Variants in PIK3C2A observed in about 807,000 individuals in gnomAD.
PIK3C2A encodes phosphatidylinositol-4-phosphate 3-kinase catalytic subunit type 2 alpha, also known as phosphatidylinositol 4-phosphate 3-kinase C2 domain-containing subunit alpha.
Under a neutral mutation model 204.5 loss-of-function variants are expected in PIK3C2A, and 97 were observed. That is an observed-to-expected ratio of 0.47 (90% confidence interval 0.40 to 0.56). The LOEUF (loss-of-function observed/expected upper bound fraction) is 0.56. Ranked by LOEUF, PIK3C2A falls within the 20% of genes least tolerant of loss-of-function variation. The pLI is 0.00. For synonymous variants in PIK3C2A, 653 were observed against 664.4 expected (o/e 0.98, Z 0.26); for missense variants, 1,735 against 1,969.2 (o/e 0.88, Z 2.25).
chr11:17,117,149 G>C (rs966852986), intron 19 of PIK3C2A, among the ~76,000 whole-genome samples: 2 of 152,188 alleles, frequency 1.3e-5, no homozygotes, highest in Admixed American at 6.5e-5. Flanking sequence ...CAGTTTAGTG[G>C]CTGGGAGGGG....
At chr11:17,150,081 C>T (rs1311830561) in intron 4 of PIK3C2A, among the ~76,000 whole-genome samples, 1 of 152,036 alleles carries the variant, frequency 6.6e-6, no homozygotes, top group African/African-American at 2.4e-5. Flanking sequence ...AGAGAGGACA[C>T]CCATACCAAG....
chr11:17,137,900 C>T, intron 8 of PIK3C2A: 1 of 387,620 alleles, frequency 2.6e-6, no homozygotes, highest in Non-Finnish European at 4.8e-6. Context: ...TAGGAAGACA[C>T]TTCCCATCTG....
chr11:17,119,984 T>C lies in PIK3C2A; in HGVS notation c.2658-10A>G, dbSNP rs904209736. 8.6e-6 allele frequency: 11 copies of C among 1,273,188 alleles called. No homozygotes were observed. The highest frequency in any genetic ancestry group is 6.0e-5 in the African/African-American group (4 of 66,180). The allele number at this position is 1,273,188 out of a possible 1,614,324, so 78.9% of individuals were successfully genotyped here. On this transcript the variant is annotated splice_polypyrimidine_tract_variant and intron_variant, in intron 15 of 32. Transcript: ENST00000691414. ...ATCTTCTTTAGAAAGTCTGCATATA[T>C]AATAGAATTAAATTACTTCTCAGTG... is the stretch of plus-strand genomic sequence containing the variant.
chr11:17,147,509 A>C lies in PIK3C2A; in HGVS notation c.1560+8T>G. Reference sequence around the variant, plus strand: ...CAAATGGAATTCAGTTATGAGGTACACACTTACTGTTCGGGCCAGATTTTG... The same window carrying C: ...CAAATGGAATTCAGTTATGAGGTACCCACTTACTGTTCGGGCCAGATTTTG... On this transcript the variant is annotated splice_region_variant and intron_variant, in intron 6 of 32. Transcript: ENST00000691414. 7.0e-7 allele frequency: 1 copy of C among 1,430,718 alleles called. No homozygotes were observed. The highest frequency in any genetic ancestry group is 1.4e-5 in the African/African-American group (1 of 71,426). The allele number at this position is 1,430,718 out of a possible 1,614,324, so 88.6% of individuals were successfully genotyped here. A position where few individuals can be genotyped will look rare whatever the true frequency, so the allele number is the denominator to read the frequency against.
intron 2 of PIK3C2A, among the ~76,000 whole-genome samples, chr11:17,156,901 A>G (rs1299834218): frequency 1.3e-5 from 2 of 152,170 alleles, no homozygotes; most frequent in Non-Finnish European, 2.9e-5. Context: ...GGTACCCAGG[A>G]GGCTAAATTA....
At chr11:17,114,795 A>G (rs572690191) in intron 19 of PIK3C2A, among the ~76,000 whole-genome samples, 1 of 152,362 alleles carries the variant, frequency 6.6e-6, no homozygotes, top group South Asian at 2.1e-4. Flanking sequence ...AAACGATTTC[A>G]TAACTTATTG....
intron 22 of PIK3C2A, among the ~76,000 whole-genome samples, chr11:17,109,050 G>A (rs756357209): frequency 6.6e-6 from 1 of 152,202 alleles, no homozygotes; most frequent in Non-Finnish European, 1.5e-5. Flanking sequence ...AGCTACACAG[G>A]ATAGAATGAA....
chr11:17,170,933 C>T (rs535678047), intron 1 of PIK3C2A, among the ~76,000 whole-genome samples: 22 of 152,138 alleles, frequency 1.4e-4, no homozygotes, highest in African/African-American at 5.1e-4. Context: ...GAAACCCCGT[C>T]TCTACTAAAT....
chr11:17,129,436 G>A lies in PIK3C2A; in HGVS notation c.2263C>T (p.Pro755Ser). Reference sequence around the variant, plus strand: ...GTAAGGTGAAGAACTGATTCTAATGGCAATTGTGATATCTGGATAGGAAAA... The same window carrying A: ...GTAAGGTGAAGAACTGATTCTAATGACAATTGTGATATCTGGATAGGAAAA... ...IIFPIQISQLPLESVLHLTLF... is the reference protein window; with the variant it reads ...IIFPIQISQLSLESVLHLTLF... Residue 755 changes from proline to serine, a missense_variant, in exon 13 of 33, where the codon CCA becomes TCA. Transcript: ENST00000691414. The A allele has an allele frequency of 6.2e-7, 1 of 1,608,248 alleles. No individual in the cohort carries two copies. Among genetic ancestry groups the A allele is most frequent in the Non-Finnish European group, 8.5e-7 (1 of 1,174,926 alleles).
intron 2 of PIK3C2A, among the ~76,000 whole-genome samples, chr11:17,158,874 T>A (rs1590975140): frequency 6.6e-6 from 1 of 152,156 alleles, no homozygotes; most frequent in South Asian, 2.1e-4. Flanking sequence ...CGAGTTTGAA[T>A]TAACAAAAAC....
chr11:17,121,118 T>C (rs1424535368), intron 15 of PIK3C2A, among the ~76,000 whole-genome samples: 1 of 152,148 alleles, frequency 6.6e-6, no homozygotes, highest in Admixed American at 6.6e-5. Context: ...TCTTTTCTTT[T>C]CTTTTCTTTT....
At chr11:17,102,560 T>C (rs1848673842) in intron 24 of PIK3C2A, 102 bp downstream of exon 24, 7 of 838,462 alleles carry the variant, frequency 8.3e-6, no homozygotes, top group South Asian at 3.5e-5. Flanking sequence ...TTCCCAGTTA[T>C]GTTCAAATGG....
At chr11:17,204,919 T>C (rs1852512825) in intron 1 of PIK3C2A, among the ~76,000 whole-genome samples, 1 of 152,226 alleles carries the variant, frequency 6.6e-6, no homozygotes, top group African/African-American at 2.4e-5. Flanking sequence ...GGCTCACACC[T>C]GTAATCCCAG....
chr11:17,145,013 C>T (rs188311294), intron 8 of PIK3C2A, among the ~76,000 whole-genome samples: 244 of 151,120 alleles, frequency 1.6e-3, no homozygotes, highest in Admixed American at 3.0e-3. Flanking sequence ...CCATTTGGAA[C>T]GGCTGTATTT....
chr11:17,182,567 CAAA>C (rs11453658), intron 1 of PIK3C2A, among the ~76,000 whole-genome samples: 6 of 91,772 alleles, frequency 6.5e-5, no homozygotes, highest in Admixed American at 1.3e-4. Context: ...GACCCTGTCT[CAAA>C]AAAAAAAAAA....
intron 11 of PIK3C2A, among the ~76,000 whole-genome samples, chr11:17,133,071 C>T (rs1198630668): frequency 6.6e-6 from 1 of 152,176 alleles, no homozygotes; most frequent in African/African-American, 2.4e-5. Context: ...AATCAAATTT[C>T]GTTGGTTCAC....
chr11:17,161,153 A>G (rs1850764676), intron 2 of PIK3C2A, among the ~76,000 whole-genome samples: 1 of 152,242 alleles, frequency 6.6e-6, no homozygotes, highest in African/African-American at 2.4e-5. Context: ...TTATACCTAT[A>G]CAAGTTCAAG....
At chr11:17,186,173 C>T (rs917820631) in intron 1 of PIK3C2A, among the ~76,000 whole-genome samples, 16 of 152,100 alleles carry the variant, frequency 1.1e-4, no homozygotes, top group African/African-American at 3.6e-4. Flanking sequence ...ATGGCTTAAT[C>T]CCTCGCTTCC....
intron 2 of PIK3C2A, among the ~76,000 whole-genome samples, chr11:17,164,548 CA>C (rs1183629323): frequency 2.0e-5 from 3 of 152,158 alleles, no homozygotes; most frequent in African/African-American, 7.2e-5. Context: ...AGCATGCTAT[CA>C]GTAAAGCTGT....
Sources: gnomAD v4.1 joint callset for allele counts (sites outside exome capture counted in the v4.1 genomes callset) on GRCh38, gnomAD v4.1.1 for gene constraint, MANE v1.5 for transcripts, NCBI Gene and HGNC (gene_info 2026-07-23, HGNC 2026-07-21) for gene names.